KCNIP4: variants seen among roughly 807,000 people sequenced by gnomAD.
KCNIP4 encodes potassium voltage-gated channel interacting protein 4, also known as Kv channel-interacting protein 4.
KCNIP4 carries 12 observed loss-of-function variants against 34.0 expected under a neutral mutation model. That is an observed-to-expected ratio of 0.35 (90% CI 0.23 to 0.57). The LOEUF (loss-of-function observed/expected upper bound fraction) is 0.57. Among genes scored for constraint, KCNIP4 ranks in the 20% least tolerant of loss-of-function variants. KCNIP4 has a pLI of 0.83. For synonymous variants in KCNIP4, 124 were observed against 102.2 expected, an observed-to-expected ratio of 1.21 and a Z score of -1.29; for missense variants, 238 against 311.7, an observed-to-expected ratio of 0.76 and a Z score of 1.78.
chr4:21,255,386 G>C (rs563412159), intron 1 of KCNIP4, among the ~76,000 whole-genome samples: 5 of 152,026 alleles, frequency 3.3e-5, no homozygotes, highest in Admixed American at 1.3e-4. Context: ...TTCATCACCA[G>C]TTTTTTTCTT....
chr4:21,531,751 A>G (rs2108978947), intron 1 of KCNIP4, among the ~76,000 whole-genome samples: 1 of 152,236 alleles, frequency 6.6e-6, no homozygotes, highest in South Asian at 2.1e-4. Flanking sequence ...CTGAAATAAT[A>G]ATGATGACAA....
At chr4:21,214,949 C>G (rs1757455519) in intron 1 of KCNIP4, among the ~76,000 whole-genome samples, 1 of 152,118 alleles carries the variant, frequency 6.6e-6, no homozygotes. Context: ...TTATGAGTTT[C>G]AAGAGCACAA....
chr4:21,813,700 C>T (rs2109274865), intron 1 of KCNIP4, among the ~76,000 whole-genome samples: 1 of 152,258 alleles, frequency 6.6e-6, no homozygotes, highest in Admixed American at 6.5e-5. Flanking sequence ...AAATGATATA[C>T]ATTTCAAAAA....
intron 1 of KCNIP4, among the ~76,000 whole-genome samples, chr4:21,062,530 A>ATGTG (rs3080754): frequency 0.039 from 5,764 of 149,248 alleles, 256 homozygotes; most frequent in African/African-American, 0.11. Context: ...GTGTGTGTGC[A>ATGTG]TGTGTGTGTG....
chr4:21,155,190 C>G (rs749085144), intron 1 of KCNIP4, among the ~76,000 whole-genome samples: 2 of 152,078 alleles, frequency 1.3e-5, no homozygotes, highest in Non-Finnish European at 2.9e-5. Flanking sequence ...CCCTATTTTG[C>G]GTACCTCCAG....
chr4:21,636,196 G>C (rs1188316085), intron 1 of KCNIP4, among the ~76,000 whole-genome samples: 3 of 150,232 alleles, frequency 2.0e-5, no homozygotes, highest in African/African-American at 4.9e-5. Context: ...GCTAGATGAC[G>C]AGTTAGTGGG....
At position 21,888,359 on chromosome 4, in the gene KCNIP4, AT is replaced by A. The variant is rs377396835; in HGVS notation, c.61+60211del. Among the ~76,000 whole-genome samples, 134 of 152,252 alleles carry A rather than the reference AT, an allele frequency of 8.8e-4. 1 individual carries two copies. Among genetic ancestry groups the A allele is most frequent in the African/African-American group, 3.2e-3 (133 of 41,556 alleles). On this transcript the variant is annotated intron_variant, in intron 1 of 8. Transcript: ENST00000382152. ...ATGCAAAGTGTGTTGGATAATGTTTATCTTTTAACAACCAAAGTAGAACTGG... is the reference window on the plus strand; with the variant it reads ...ATGCAAAGTGTGTTGGATAATGTTTACTTTTAACAACCAAAGTAGAACTGG...
At chr4:21,937,124 G>A (rs1729903523) in intron 1 of KCNIP4, among the ~76,000 whole-genome samples, 1 of 152,120 alleles carries the variant, frequency 6.6e-6, no homozygotes, top group Non-Finnish European at 1.5e-5. Flanking sequence ...TGCTGGACGT[G>A]TAATAAATGT....
chr4:20,735,248 A>G (rs2149276335), intron 5 of KCNIP4, among the ~76,000 whole-genome samples: 1 of 152,296 alleles, frequency 6.6e-6, no homozygotes, highest in African/African-American at 2.4e-5. Flanking sequence ...GACTGCCTGG[A>G]TTCACCCTCC....
chr4:21,661,823 G>T (rs972370891), intron 1 of KCNIP4, among the ~76,000 whole-genome samples: 4 of 152,130 alleles, frequency 2.6e-5, no homozygotes, highest in African/African-American at 9.7e-5. Flanking sequence ...TGAAAGAAAA[G>T]ATAAAATACT....
rs1712415599 is a variant in KCNIP4 at position 21,697,225 on chromosome 4, A to T, written c.61+251346T>A. ...CATAAATCTCAGCAAATACAGTTGC[A>T]TTTTATTGACAACATTAAAAATAAT... On this transcript the variant is annotated intron_variant, in intron 1 of 8. Transcript: ENST00000382152. 2.4e-6 allele frequency: 3 copies of T among 1,264,200 alleles called. No homozygotes were observed. In the South Asian group the frequency reaches 8.0e-5, roughly 34 times the overall value. 78.3% of individuals were successfully genotyped at this position (1,264,200 alleles called of 1,614,324 possible).
chr4:21,814,666 G>A (rs1404712759), intron 1 of KCNIP4, among the ~76,000 whole-genome samples: 5 of 152,220 alleles, frequency 3.3e-5, no homozygotes, highest in Admixed American at 6.5e-5. Context: ...GCTGAGCCCC[G>A]TTAAGAGCAA....
At chr4:21,583,752 C>A (rs1398344224) in intron 1 of KCNIP4, among the ~76,000 whole-genome samples, 1 of 151,826 alleles carries the variant, frequency 6.6e-6, no homozygotes, top group Non-Finnish European at 1.5e-5. Flanking sequence ...AAGAAAGAAA[C>A]CAAATGAGTA....
In KCNIP4 at chr4:21,701,928, T is replaced by C. The variant is rs146220385; in HGVS notation, c.61+246643A>G. On this transcript the variant is annotated intron_variant, in intron 1 of 8. Transcript: ENST00000382152. ...CATGTTGGCCAGGCTGGTCTCAAAC[T>C]CCTGACCTCAGATGATCTGCTTGCG... 3.8e-3 allele frequency among the ~76,000 whole-genome samples: 577 copies of C among 152,218 alleles called. 5 individuals are homozygous for C. Among genetic ancestry groups the C allele is most frequent in the African/African-American group, 0.013 (530 of 41,540 alleles).
intron 1 of KCNIP4, among the ~76,000 whole-genome samples, chr4:21,121,623 A>G (rs1750164341): frequency 6.6e-6 from 1 of 152,278 alleles, no homozygotes; most frequent in Non-Finnish European, 1.5e-5. Flanking sequence ...ACCTTGAGCA[A>G]GTTACTTAAC....
intron 1 of KCNIP4, among the ~76,000 whole-genome samples, chr4:21,880,551 A>G (rs931854383): frequency 6.6e-6 from 1 of 152,214 alleles, no homozygotes; most frequent in African/African-American, 2.4e-5. Flanking sequence ...TTTATTAGTC[A>G]TAGTTCTTCC....
chr4:21,662,772 A>G (rs1748546634), intron 1 of KCNIP4, among the ~76,000 whole-genome samples: 1 of 152,212 alleles, frequency 6.6e-6, no homozygotes, highest in Admixed American at 6.5e-5. Flanking sequence ...TGGACACATA[A>G]ATATTGTTTT....
chr4:20,953,650 G>T (rs1329135948), intron 1 of KCNIP4, among the ~76,000 whole-genome samples: 13 of 151,970 alleles, frequency 8.6e-5, no homozygotes, highest in Admixed American at 8.5e-4. Flanking sequence ...CTCCATCTTG[G>T]GTGACAGAGA....
chr4:21,187,227 C>G (rs566708092), intron 1 of KCNIP4, among the ~76,000 whole-genome samples: 2 of 152,210 alleles, frequency 1.3e-5, no homozygotes, highest in South Asian at 4.1e-4. Flanking sequence ...CATGCCATGG[C>G]ACTTAAAAAA....
Sources: allele counts gnomAD v4.1 joint callset (sites outside exome capture counted in the v4.1 genomes callset), GRCh38; gene constraint gnomAD v4.1.1; transcripts MANE v1.5; gene names NCBI Gene and HGNC (gene_info 2026-07-23, HGNC 2026-07-21).